Variants in NLRP5 observed in about 807,000 individuals in gnomAD.
NLRP5 encodes NLR family pyrin domain containing 5, also known as NACHT, LRR and PYD domains-containing protein 5.
A neutral mutation model predicts 113.1 loss-of-function variants in NLRP5; 93 were observed. The ratio of observed to expected loss-of-function variants is 0.82; its 90% CI spans 0.70 to 0.98. The LOEUF (loss-of-function observed/expected upper bound fraction) is 0.98. Among genes scored for constraint, NLRP5 ranks in the 50% least tolerant of loss-of-function variants. NLRP5 has a pLI of 0.00. For missense variants in NLRP5, 1,808 were observed against 1,514.3 expected (o/e 1.19, Z -3.22); for synonymous variants, 751 against 600.7 (o/e 1.25, Z -3.66).
At chr19:56,040,189 C>T (rs1051328060) in intron 10 of NLRP5, among the ~76,000 whole-genome samples, 3 of 152,252 alleles carry the variant, frequency 2.0e-5, no homozygotes, top group Middle Eastern at 3.4e-3. Flanking sequence ...TCAAACAGTC[C>T]TCCTGCCTCA....
At chr19:56,004,127 G>A (rs1981764363) in intron 2 of NLRP5, 32 bp downstream of exon 2, 1 of 1,560,836 alleles carries the variant, frequency 6.4e-7, no homozygotes, top group Non-Finnish European at 8.7e-7. Context: ...TCTAGGGCAG[G>A]GAGGGGAGGT....
In NLRP5 at chr19:56,008,852, A is replaced by G; in HGVS notation, c.507A>G (p.Pro169=). The G allele has an allele frequency of 6.2e-7, 1 of 1,611,888 alleles. No homozygotes were observed. The highest frequency in any genetic ancestry group is 8.5e-7 in the Non-Finnish European group (1 of 1,178,942). ...AAGGACCAAGCAAGGAAAAAGTGCC[A>G]GGTTAGAGGGGTGGAGTTGGGGGAA... The change falls in exon 3 of 15, where the codon CCA becomes CCG. Residue 169 remains proline (P), a splice_region_variant and synonymous_variant. Transcript: ENST00000390649.
intron 6 of NLRP5, among the ~76,000 whole-genome samples, chr19:56,025,733 G>A (rs1175520369): frequency 1.3e-5 from 2 of 151,982 alleles, no homozygotes; most frequent in African/African-American, 4.8e-5. Flanking sequence ...TGTACAGCAG[G>A]ATTCCCCCAT....
intron 4 of NLRP5, among the ~76,000 whole-genome samples, chr19:56,016,851 C>T (rs1482432942): frequency 2.0e-5 from 3 of 152,168 alleles, no homozygotes; most frequent in South Asian, 4.1e-4. Context: ...CTCTGTTGCC[C>T]AGGCTGGGGT....
intron 14 of NLRP5, among the ~76,000 whole-genome samples, chr19:56,059,437 G>C (rs573002441): frequency 6.6e-6 from 1 of 152,190 alleles, no homozygotes; most frequent in Non-Finnish European, 1.5e-5. Context: ...GAGCATGAAG[G>C]AACACAGTTG....
At chr19:56,020,573 T>A in intron 6 of NLRP5, 142 bp downstream of exon 6, 2 of 880,558 alleles carry the variant, frequency 2.3e-6, no homozygotes, top group Non-Finnish European at 3.6e-6. Context: ...ACCCCTTCCC[T>A]TCAAGCTCTT....
At position 56,023,921 on chromosome 19, in the gene NLRP5, T is replaced by C. The variant is rs1029981950; in HGVS notation, c.680-2992T>C. On this transcript the variant is annotated intron_variant, in intron 6 of 14. Coordinates refer to ENST00000390649, the MANE Select transcript of NLRP5 (RefSeq NM_153447.4). ...ACTCTTGCTGCCTTTTTAAGGTAAATAGTAGTACCAGTAAACTTAAGGTCC... is the reference window on the plus strand; with the variant it reads ...ACTCTTGCTGCCTTTTTAAGGTAAACAGTAGTACCAGTAAACTTAAGGTCC... Among the ~76,000 whole-genome samples, 3 of 152,156 alleles carry C rather than the reference T, an allele frequency of 2.0e-5. No individual in the cohort carries two copies. In the East Asian group the frequency reaches 5.8e-4, roughly 29 times the overall value.
chr19:56,039,828 CACTT>C (rs374332575), intron 10 of NLRP5, among the ~76,000 whole-genome samples: 4 of 152,138 alleles, frequency 2.6e-5, no homozygotes, highest in Non-Finnish European at 4.4e-5. Context: ...GCAGGAGACT[CACTT>C]AAACCCGGGA....
chr19:55,994,769 CT>C (rs1981272090), upstream of NLRP5, among the ~76,000 whole-genome samples: 1 of 152,168 alleles, frequency 6.6e-6, no homozygotes, highest in African/African-American at 2.4e-5. Context: ...TCCTATTGGT[CT>C]ATTTTTGCTT....
chr19:56,006,299 T>C (rs898810875), intron 2 of NLRP5, among the ~76,000 whole-genome samples: 2 of 152,026 alleles, frequency 1.3e-5, no homozygotes, highest in African/African-American at 2.4e-5. Context: ...TGGGGAGTGA[T>C]AGCATTAGGA....
chr19:56,048,466 T>C (rs999049233), intron 11 of NLRP5, among the ~76,000 whole-genome samples: 6 of 152,170 alleles, frequency 3.9e-5, no homozygotes, highest in East Asian at 3.8e-4. Context: ...ACTGTATCTT[T>C]CCTTCATATA....
At chr19:56,003,571 C>T (rs577346838) in intron 1 of NLRP5, 165 bp from the exon 2 acceptor site, 255 of 807,464 alleles carry the variant, frequency 3.2e-4, no homozygotes, top group Non-Finnish European at 4.6e-4. Context: ...TGTCCCAGCA[C>T]TGATGTCTAG....
At chr19:55,990,449 G>A in the NLRP5 span, among the ~76,000 whole-genome samples, 2 of 152,132 alleles carry the variant, frequency 1.3e-5, no homozygotes, top group Admixed American at 1.3e-4. Context: ...CCAGCACTTG[G>A]GGAGGCCGAG....
intron 13 of NLRP5, among the ~76,000 whole-genome samples, chr19:56,057,570 G>T (rs1054708117): frequency 6.6e-6 from 1 of 152,134 alleles, no homozygotes; most frequent in Non-Finnish European, 1.5e-5. Flanking sequence ...TTCTTCAGGT[G>T]CAGTGTTGCT....
intron 2 of NLRP5, among the ~76,000 whole-genome samples, chr19:56,005,521 T>TAC (rs144176069): frequency 1.6e-4 from 23 of 142,672 alleles, no homozygotes; most frequent in African/African-American, 2.7e-4. Flanking sequence ...TATATATTTA[T>TAC]ACACACACAC....
At chr19:56,032,872 C>G in intron 8 of NLRP5, 91 bp downstream of exon 8, 2 of 1,285,484 alleles carry the variant, frequency 1.6e-6, no homozygotes, top group Non-Finnish European at 2.1e-6. Context: ...TGAAGCCTTT[C>G]AAGTGCAGCC....
In NLRP5 at chr19:56,055,816, A is replaced by G. The variant is rs529128765; in HGVS notation, c.3299+2008A>G. On this transcript the variant is annotated intron_variant, in intron 13 of 14. Coordinates refer to ENST00000390649, the MANE Select transcript of NLRP5 (RefSeq NM_153447.4). ...CGCCTTGGCCTCCCAAAGTGCTGGG[A>G]TTACAGGCATAAGCCACCGCGCCTG... Among the ~76,000 whole-genome samples, 665 of 152,120 alleles carry G rather than the reference A, an allele frequency of 4.4e-3. 2 individuals are homozygous for G. Among genetic ancestry groups the G allele is most frequent in the African/African-American group, 0.015 (626 of 41,496 alleles).
intron 4 of NLRP5, among the ~76,000 whole-genome samples, chr19:56,016,940 C>T (rs925795662): frequency 5.3e-5 from 8 of 152,186 alleles, no homozygotes; most frequent in Admixed American, 6.6e-5. Flanking sequence ...TCCCAAGTAG[C>T]TGGGATTACA....
rs1983502103 is a variant in NLRP5 at position 56,041,016 on chromosome 19, A to G, written c.2881A>G (p.Asn961Asp). The G allele has an allele frequency of 6.2e-7, 1 of 1,613,966 alleles. No homozygotes were observed. Among genetic ancestry groups the G allele is most frequent in the South Asian group, 1.1e-5 (1 of 91,078 alleles). ...CTTGACACACCTGTGCCTATCCAAC[A>G]ACAGCCTGGGGAACGAAGGTGTAAA... The change falls in exon 11 of 15, where the codon AAC becomes GAC. Residue 961 changes from asparagine (N) to aspartate (D), a missense_variant. Asn to Asp is a conservative substitution (Grantham distance 23). Transcript: ENST00000390649.
Sources: allele counts gnomAD v4.1 joint callset (sites outside exome capture counted in the v4.1 genomes callset), GRCh38; gene constraint gnomAD v4.1.1; transcripts MANE v1.5; gene names NCBI Gene and HGNC (gene_info 2026-07-23, HGNC 2026-07-21).